Variants in NEO1 observed in about 807,000 individuals in gnomAD.
NEO1 encodes neogenin 1.
A neutral mutation model predicts 159.7 loss-of-function variants in NEO1; 63 were observed. The ratio of observed to expected loss-of-function variants is 0.39; its 90% CI spans 0.32 to 0.49. NEO1 has a LOEUF of 0.49. Among genes scored for constraint, NEO1 ranks in the 20% least tolerant of loss-of-function variants. The probability of loss-of-function intolerance (pLI) is 0.85; values close to 1 mark genes in which losing one functional copy is unlikely to be tolerated. For missense variants in NEO1, 1,615 were observed against 1,831.0 expected (o/e 0.88, Z 2.15); for synonymous variants, 633 against 662.0 (o/e 0.96, Z 0.67).
intron 8 of NEO1, 97 bp downstream of exon 8, chr15:73,236,603 TC>T: frequency 9.6e-7 from 1 of 1,043,006 alleles, no homozygotes; most frequent in Non-Finnish European, 1.5e-6. Flanking sequence ...CAATTTTTAG[TC>T]CAGAAAATAA....
chr15:73,158,231 T>TTTTG (rs1164361105), intron 5 of NEO1, among the ~76,000 whole-genome samples: 2 of 148,926 alleles, frequency 1.3e-5, no homozygotes, highest in Non-Finnish European at 3.0e-5. Context: ...TTTTTTTTTT[T>TTTTG]TTACAATTTT....
At chr15:73,144,320 T>TA (rs900795922) in intron 5 of NEO1, among the ~76,000 whole-genome samples, 3 of 151,908 alleles carry the variant, frequency 2.0e-5, no homozygotes, top group African/African-American at 4.8e-5. Context: ...AACATAATAT[T>TA]AAAAAAAATA....
chr15:73,074,389 T>G (rs527258612), intron 1 of NEO1, among the ~76,000 whole-genome samples: 1 of 152,290 alleles, frequency 6.6e-6, no homozygotes, highest in South Asian at 2.1e-4. Flanking sequence ...CTCTGACTGT[T>G]TTGTTGTTTT....
At chr15:73,153,009 T>C (rs1238392072) in intron 5 of NEO1, among the ~76,000 whole-genome samples, 2 of 152,174 alleles carry the variant, frequency 1.3e-5, no homozygotes, top group Non-Finnish European at 2.9e-5. Flanking sequence ...TCTGGAGACC[T>C]GAGAAAGCCA....
intron 7 of NEO1, among the ~76,000 whole-genome samples, chr15:73,199,161 T>C (rs1421598182): frequency 6.6e-6 from 1 of 151,212 alleles, no homozygotes; most frequent in Non-Finnish European, 1.5e-5. Flanking sequence ...AGGTATTTTG[T>C]AGAATATTGC....
At chr15:73,156,181 T>C (rs2033759391) in intron 5 of NEO1, among the ~76,000 whole-genome samples, 1 of 152,222 alleles carries the variant, frequency 6.6e-6, no homozygotes, top group Non-Finnish European at 1.5e-5. Context: ...TCCTTCTGGG[T>C]ATGCGCAGTG....
intron 5 of NEO1, among the ~76,000 whole-genome samples, chr15:73,160,038 A>G (rs143247305): frequency 1.5e-3 from 222 of 151,742 alleles, no homozygotes; most frequent in African/African-American, 5.0e-3. Context: ...TTTATTTGTA[A>G]TTTTTTTCTT....
chr15:73,272,543 A>G lies in NEO1; in HGVS notation c.2946A>G (p.Glu982=), dbSNP rs747444572. The G allele has an allele frequency of 4.3e-6, 7 of 1,611,612 alleles. No homozygotes were observed. In the South Asian group the frequency reaches 7.7e-5, roughly 18 times the overall value. Residue 982 remains glutamate (E), a synonymous_variant, in exon 19 of 29, where the codon GAA becomes GAG. Transcript: ENST00000261908. The part of the protein sequence containing the change: ...TIIVNWQPPS[E]ANGKITGYII... ...TTGTGAATTGGCAGCCTCCCTCCGA[A>G]GCCAATGGCAAAATTACAGGTAAAA...
intron 7 of NEO1, among the ~76,000 whole-genome samples, chr15:73,220,647 A>G (rs965073664): frequency 6.6e-6 from 1 of 151,904 alleles, no homozygotes; most frequent in African/African-American, 2.4e-5. Context: ...TTTTTTCTCT[A>G]AACTTCCCTT....
At chr15:73,226,484 CT>C (rs2038597193) in intron 7 of NEO1, among the ~76,000 whole-genome samples, 1 of 152,094 alleles carries the variant, frequency 6.6e-6, no homozygotes, top group African/African-American at 2.4e-5. Flanking sequence ...ATGAGAAATG[CT>C]AGGTTAACAA....
intron 1 of NEO1, among the ~76,000 whole-genome samples, chr15:73,082,030 C>T (rs1246143935): frequency 1.3e-5 from 2 of 152,022 alleles, no homozygotes; most frequent in Non-Finnish European, 2.9e-5. Flanking sequence ...TGCACCACTG[C>T]ATCCAGCTAA....
intron 1 of NEO1, among the ~76,000 whole-genome samples, chr15:73,112,118 A>G (rs570941139): frequency 6.6e-6 from 1 of 152,254 alleles, no homozygotes; most frequent in Non-Finnish European, 1.5e-5. Context: ...AATCATATAC[A>G]TATGAAATTA....
chr15:73,150,056 C>T (rs970109609), intron 5 of NEO1, among the ~76,000 whole-genome samples: 1 of 152,162 alleles, frequency 6.6e-6, no homozygotes, highest in Non-Finnish European at 1.5e-5. Flanking sequence ...GCTCCTGGAA[C>T]CTGTGAAAGA....
intron 8 of NEO1, among the ~76,000 whole-genome samples, chr15:73,240,244 T>C (rs1258721693): frequency 1.3e-5 from 2 of 152,242 alleles, no homozygotes; most frequent in African/African-American, 4.8e-5. Flanking sequence ...TTAAATGTTT[T>C]CAATGAGACA....
chr15:73,258,632 A>G (rs2150980777), intron 13 of NEO1, 134 bp from the exon 14 acceptor site: 2 of 665,104 alleles, frequency 3.0e-6, no homozygotes, highest in East Asian at 5.5e-5. Flanking sequence ...CCTACACTGT[A>G]TTAACTTAAA....
chr15:73,215,787 C>G (rs1031715350), intron 7 of NEO1, among the ~76,000 whole-genome samples: 2 of 152,126 alleles, frequency 1.3e-5, no homozygotes, highest in African/African-American at 2.4e-5. Context: ...TAGGCTGATG[C>G]TGGCTTCATA....
chr15:73,129,001 A>T (rs767586790), intron 4 of NEO1, among the ~76,000 whole-genome samples: 4 of 152,212 alleles, frequency 2.6e-5, no homozygotes, highest in Non-Finnish European at 5.9e-5. Flanking sequence ...GAATACTCAG[A>T]TTAGGTGGCT....
intron 1 of NEO1, among the ~76,000 whole-genome samples, chr15:73,080,355 T>G (rs896785972): frequency 2.6e-5 from 4 of 152,208 alleles, no homozygotes; most frequent in African/African-American, 9.6e-5. Context: ...TAGGCTTGTT[T>G]TTTCCTCAAC....
chr15:73,254,232 A>G (rs534902243), intron 12 of NEO1, among the ~76,000 whole-genome samples: 9 of 151,584 alleles, frequency 5.9e-5, no homozygotes, highest in African/African-American at 1.5e-4. Flanking sequence ...TTTTTTTTTA[A>G]GAGGCAACCA....
Sources: allele counts gnomAD v4.1 joint callset (sites outside exome capture counted in the v4.1 genomes callset), GRCh38; gene constraint gnomAD v4.1.1; transcripts MANE v1.5; gene names NCBI Gene and HGNC (gene_info 2026-07-23, HGNC 2026-07-21).